The following MTF1 variants were observed in gnomAD, a reference collection of about 807,000 sequenced individuals.
MTF1 encodes the protein MRE-binding transcription factor.
A neutral mutation model predicts 70.4 loss-of-function variants in MTF1; 22 were observed. The observed-to-expected ratio is 0.31, with a 90% confidence interval of 0.22 to 0.45. The LOEUF (loss-of-function observed/expected upper bound fraction) is 0.45. Ranked by LOEUF, MTF1 falls within the 20% of genes least tolerant of loss-of-function variation. The pLI, the probability that MTF1 is intolerant of heterozygous loss-of-function variation, is 1.00. For synonymous variants in MTF1, 333 were observed against 352.8 expected (o/e 0.94, Z 0.63); for missense variants, 649 against 922.0 (o/e 0.70, Z 3.83).
At position 37,822,688 on chromosome 1, in the gene MTF1, A is replaced by G; in HGVS notation, c.1200T>C (p.Asp400=). The G allele has an allele frequency of 6.2e-7, 1 of 1,612,718 alleles. No homozygotes were observed. The highest frequency in any genetic ancestry group is 1.7e-4 in the Middle Eastern group (1 of 6,060). ...GCGGAACATCACTGACTGACTCTGC[A>G]TCACCATTAAAACTTTCAGTCAAGG... ...TASLTESFNG[D]AESVSDVPPS... Residue 400 remains aspartate, a synonymous_variant, in exon 9 of 11, where the codon GAT becomes GAC. Coordinates refer to ENST00000373036, the MANE Select transcript of MTF1 (RefSeq NM_005955.3).
chr1:37,830,200 T>C (rs987358237), intron 7 of MTF1, among the ~76,000 whole-genome samples: 1 of 152,220 alleles, frequency 6.6e-6, no homozygotes, highest in Non-Finnish European at 1.5e-5. Context: ...AGAACATTAG[T>C]TGTAAAATAG....
rs1217086573 is a variant in MTF1 at position 37,813,603 on chromosome 1, G to GA, written c.*1532dup. On this transcript the variant is annotated 3_prime_UTR_variant, in exon 11 of 11. Coordinates refer to ENST00000373036, the MANE Select transcript of MTF1 (RefSeq NM_005955.3). ...CTTCCTGCCTGACACTGTTGGCTTAGAAGAGCAGCCTTGTTTGTGGAACAC... is the reference window on the plus strand; with the variant it reads ...CTTCCTGCCTGACACTGTTGGCTTAGAAAGAGCAGCCTTGTTTGTGGAACAC... 1 of 152,294 alleles carries GA rather than the reference G, an allele frequency of 6.6e-6. No individual in the cohort carries two copies. The highest frequency in any genetic ancestry group is 1.5e-5 in the Non-Finnish European group (1 of 68,068). 9.4% of individuals were successfully genotyped at this position (152,294 alleles called of 1,614,324 possible). A position where few individuals can be genotyped will look rare whatever the true frequency, so the allele number is the denominator to read the frequency against.
At chr1:37,838,537 T>C in intron 4 of MTF1, 88 bp downstream of exon 4, 1 of 1,207,140 alleles carries the variant, frequency 8.3e-7, no homozygotes. Flanking sequence ...GTAAAGGGAG[T>C]TTTCTTTCTT....
At chr1:37,858,017 A>AT (rs979870970) in intron 1 of MTF1, among the ~76,000 whole-genome samples, 1 of 147,404 alleles carries the variant, frequency 6.8e-6, no homozygotes, top group Non-Finnish European at 1.5e-5. Flanking sequence ...ATCTCTAATA[A>AT]AAAAAAAAAA....
chr1:37,814,495 G>A lies in MTF1; in HGVS notation c.*641C>T, dbSNP rs1640785441. On this transcript the variant is annotated 3_prime_UTR_variant, in exon 11 of 11. Transcript: ENST00000373036. ...GAGCCAGATCAACCCCACAGCCTGT[G>A]AGCCAGGCCTTAAGCTGCCTATTTG... is the stretch of plus-strand genomic sequence containing the variant. 6.5e-6 allele frequency: 1 copy of A among 153,600 alleles called. No homozygotes were observed. Among genetic ancestry groups the A allele is most frequent in the Non-Finnish European group, 1.4e-5 (1 of 69,056 alleles). The allele number at this position is 153,600 out of a possible 1,614,324, so 9.5% of individuals were successfully genotyped here. A position where few individuals can be genotyped will look rare whatever the true frequency, so the allele number is the denominator to read the frequency against.
At chr1:37,857,771 C>T (rs144821035) in intron 1 of MTF1, 62 bp from the exon 2 acceptor site, 2 of 948,328 alleles carry the variant, frequency 2.1e-6, no homozygotes, top group Middle Eastern at 3.0e-4. Context: ...TCCTCAGCAA[C>T]CACAAGGCTC....
chr1:37,818,919 G>A (rs1256310478), intron 9 of MTF1, among the ~76,000 whole-genome samples: 1 of 151,974 alleles, frequency 6.6e-6, no homozygotes, highest in Non-Finnish European at 1.5e-5. Context: ...TGTGAACCTG[G>A]GAGGCGGAGG....
chr1:37,835,868 T>C, intron 4 of MTF1, 124 bp from the exon 5 acceptor site: 1 of 734,076 alleles, frequency 1.4e-6, no homozygotes, highest in Non-Finnish European at 2.3e-6. Context: ...TGGCGCAATC[T>C]TGGCTCACTG....
chr1:37,857,201 A>G, intron 2 of MTF1, 50 bp downstream of exon 2: 1 of 1,560,712 alleles, frequency 6.4e-7, no homozygotes, highest in Non-Finnish European at 8.7e-7. Context: ...AGAATTTTGT[A>G]AGGACTTGCC....
rs547678248 is a variant in MTF1, at chr1:37,848,719, G to A, written c.408+8532C>T. 3.3e-5 allele frequency among the ~76,000 whole-genome samples: 5 copies of A among 152,302 alleles called. No homozygotes were observed. The South Asian group carries it at 8.3e-4, about 25-fold the overall frequency. Reference sequence around the variant, plus strand: ...TATATAATACACATGCAGACACACTGATAAAATGGCTTCATATGGGGGTAA... The same window carrying A: ...TATATAATACACATGCAGACACACTAATAAAATGGCTTCATATGGGGGTAA... On this transcript the variant is annotated intron_variant, in intron 2 of 10. Coordinates refer to ENST00000373036, the MANE Select transcript of MTF1 (RefSeq NM_005955.3).
At chr1:37,831,882 TTA>T (rs1278229676) in intron 7 of MTF1, among the ~76,000 whole-genome samples, 2 of 152,176 alleles carry the variant, frequency 1.3e-5, no homozygotes, top group African/African-American at 4.8e-5. Context: ...AGAATTCTGG[TTA>T]TGTCTTACAG....
chr1:37,831,689 G>A (rs1459609263), intron 7 of MTF1, among the ~76,000 whole-genome samples: 1 of 152,156 alleles, frequency 6.6e-6, no homozygotes, highest in African/African-American at 2.4e-5. Context: ...AAGTGGGCTT[G>A]TCCTTTAGCA....
chr1:37,839,817 A>T, intron 3 of MTF1, 103 bp downstream of exon 3: 1 of 891,754 alleles, frequency 1.1e-6, no homozygotes, highest in Non-Finnish European at 1.8e-6. Flanking sequence ...GCGCTCTTTT[A>T]AAGCCCTGAA....
chr1:37,832,566 T>C (rs1394260836), intron 6 of MTF1, among the ~76,000 whole-genome samples: 1 of 152,220 alleles, frequency 6.6e-6, no homozygotes, highest in East Asian at 1.9e-4. Context: ...TGTACTATGC[T>C]GGCGCGCTGC....
intron 2 of MTF1, among the ~76,000 whole-genome samples, chr1:37,856,886 T>C (rs953461902): frequency 6.6e-6 from 1 of 152,206 alleles, no homozygotes; most frequent in East Asian, 1.9e-4. Context: ...AACCAGGAGA[T>C]AAGCCAAATA....
At chr1:37,835,599 C>T in intron 5 of MTF1, 72 bp downstream of exon 5, 3 of 1,114,150 alleles carry the variant, frequency 2.7e-6, no homozygotes, top group Non-Finnish European at 4.1e-6. Flanking sequence ...TGTATATCCA[C>T]CTAGCTCTAC....
chr1:37,822,547 G>T lies in MTF1; in HGVS notation c.1341C>A (p.Pro447=). ...ASAPSAPPPA[P]SLGPGSQQAA... is the part of the protein sequence containing the mutation. ...CTTGCTGGGAGCCAGGTCCTAGGGA[G>T]GGAGCAGGCGGAGGAGCAGACGGAG... Residue 447 remains proline (P), a synonymous_variant, in exon 9 of 11, where the codon CCC becomes CCA. Coordinates refer to ENST00000373036, the MANE Select transcript of MTF1 (RefSeq NM_005955.3). The T allele has an allele frequency of 6.2e-7, 1 of 1,614,136 alleles. No individual in the cohort carries two copies. Among genetic ancestry groups the T allele is most frequent in the Non-Finnish European group, 8.5e-7 (1 of 1,180,030 alleles).
intron 6 of MTF1, chr1:37,834,526 G>T: frequency 3.2e-6 from 1 of 311,672 alleles, no homozygotes; most frequent in South Asian, 2.9e-5. Flanking sequence ...GCAGAGGACA[G>T]ACATTATCTG....
At chr1:37,816,477 C>A (rs1229041660) in intron 10 of MTF1, among the ~76,000 whole-genome samples, 1 of 152,012 alleles carries the variant, frequency 6.6e-6, no homozygotes, top group Non-Finnish European at 1.5e-5. Context: ...GAGTTTGAGA[C>A]CAGCCTGGCC....
Sources: allele counts gnomAD v4.1 joint callset (sites outside exome capture counted in the v4.1 genomes callset), GRCh38; gene constraint gnomAD v4.1.1; transcripts MANE v1.5; gene names NCBI Gene and HGNC (gene_info 2026-07-23, HGNC 2026-07-21).